Variants in TRAPPC9 observed in about 807,000 individuals in gnomAD.
TRAPPC9 encodes trafficking protein particle complex subunit 9.
In TRAPPC9, 83 loss-of-function variants were observed where a neutral mutation model predicts 124.0. The observed-to-expected ratio is 0.67, with a 90% CI of 0.56 to 0.80. The LOEUF (loss-of-function observed/expected upper bound fraction) is 0.80, where lower values mean the gene tolerates loss of function less well. Among genes scored for constraint, TRAPPC9 ranks in the 30% least tolerant of loss-of-function variants. The pLI, the probability that TRAPPC9 is intolerant of heterozygous loss-of-function variation, is 0.00. For missense variants in TRAPPC9, 1,302 were observed against 1,508.3 expected (o/e 0.86, Z 2.27); for synonymous variants, 638 against 617.5 (o/e 1.03, Z -0.49).
chr8:140,086,925 G>C (rs1477105129), intron 17 of TRAPPC9, among the ~76,000 whole-genome samples: 1 of 149,994 alleles, frequency 6.7e-6, no homozygotes, highest in Admixed American at 6.6e-5. Flanking sequence ...GAGTGAGACT[G>C]TCTCAAAAAA....
intron 15 of TRAPPC9, among the ~76,000 whole-genome samples, chr8:140,269,395 G>T (rs1424909113): frequency 6.6e-6 from 1 of 151,908 alleles, no homozygotes; most frequent in Non-Finnish European, 1.5e-5. Flanking sequence ...CAAAAAATTA[G>T]CTGGGCGTGG....
intron 9 of TRAPPC9, among the ~76,000 whole-genome samples, chr8:140,343,503 G>C (rs189648920): frequency 1.1e-3 from 167 of 152,328 alleles, no homozygotes; most frequent in African/African-American, 3.9e-3. Flanking sequence ...GCGAAAGGAC[G>C]CAGAATTCCT....
At position 139,960,800 on chromosome 8, in the gene TRAPPC9, C is replaced by G. The variant is rs1253750597; in HGVS notation, c.2810+27926G>C. 1.6e-5 allele frequency among the ~76,000 whole-genome samples: 2 copies of G among 125,156 alleles called. 1 individual carries two copies. The highest frequency in any genetic ancestry group is 3.8e-5 in the Non-Finnish European group (2 of 52,364). 82.1% of individuals were successfully genotyped at this position (125,156 alleles called of 152,430 possible). A position where few individuals can be genotyped will look rare whatever the true frequency, so the allele number is the denominator to read the frequency against. On this transcript the variant is annotated intron_variant, in intron 19 of 22. Transcript: ENST00000438773. ...TGACAGAGCTGCTGTCCCTTCTGCA[C>G]TCCTGCCACTGCAGCTGGTGGGGCT...
Position 140,104,170 on chromosome 8 carries a change from C to G in TRAPPC9, c.2557-80091G>C, listed in dbSNP as rs939520820. ...TCTCCTGGGAGGGCAGATCTGTAAA[C>G]AAAGAATGACAGTAGAATACATGTG... is the stretch of plus-strand genomic sequence containing the variant. On this transcript the variant is annotated intron_variant, in intron 17 of 22. Transcript: ENST00000438773. The surrounding 1 kb of genome is among the most constrained non-coding windows in gnomAD (Gnocchi z 4.0). 1.3e-5 allele frequency among the ~76,000 whole-genome samples: 2 copies of G among 152,134 alleles called. No individual in the cohort carries two copies. The highest frequency in any genetic ancestry group is 2.9e-5 in the Non-Finnish European group (2 of 68,036).
At chr8:139,926,909 T>C (rs1388695003) in intron 19 of TRAPPC9, among the ~76,000 whole-genome samples, 1 of 152,292 alleles carries the variant, frequency 6.6e-6, no homozygotes. Flanking sequence ...TCACAACACA[T>C]TGATTAGACA....
At chr8:140,146,461 G>A (rs1378830365) in intron 17 of TRAPPC9, among the ~76,000 whole-genome samples, 1 of 152,208 alleles carries the variant, frequency 6.6e-6, no homozygotes, top group African/African-American at 2.4e-5. Context: ...GGAACCATGC[G>A]TGCTGGGTGT....
intron 19 of TRAPPC9, among the ~76,000 whole-genome samples, chr8:139,969,035 G>T (rs1184180866): frequency 6.6e-6 from 1 of 152,214 alleles, no homozygotes; most frequent in Non-Finnish European, 1.5e-5. Flanking sequence ...GTGTGTGTGT[G>T]CAAGATGTGT....
intron 17 of TRAPPC9, among the ~76,000 whole-genome samples, chr8:140,060,996 C>G (rs116778323): frequency 0.015 from 2,241 of 152,330 alleles, 46 homozygotes; most frequent in African/African-American, 0.051. Context: ...ATTTCCCAGT[C>G]ACACTGTCAC....
Position 140,451,109 on chromosome 8 carries a change from C to T in TRAPPC9, c.265G>A (p.Ala89Thr). ...TCAAAGGTCTGTGGCCAGTCCTTGG[C>T]CGAGAAGCAGTCTGTGATGGTGATG... ...GLITITDCFS[A>T]KDWPQTFEKF... The change falls in exon 2 of 23, where the codon GCC (alanine) becomes ACC (threonine). Residue 89 changes from alanine to threonine, a missense_variant. Ala to Thr is a moderately conservative substitution (Grantham distance 58). This residue lies in a region of TRAPPC9 where 657 missense variants were observed against 811.2 expected (regional missense o/e 0.81). Coordinates refer to ENST00000438773, the MANE Select transcript of TRAPPC9 (RefSeq NM_001160372.4). 1.2e-6 allele frequency: 2 copies of T among 1,613,938 alleles called. No individual in the cohort carries two copies. The highest frequency in any genetic ancestry group is 2.2e-5 in the East Asian group (1 of 44,884).
chr8:140,017,924 A>C (rs1839573619), intron 18 of TRAPPC9, among the ~76,000 whole-genome samples: 4 of 152,040 alleles, frequency 2.6e-5, no homozygotes, highest in Admixed American at 1.3e-4. Context: ...GCTGACTACA[A>C]CTTCCACCTC....
Position 139,828,952 on chromosome 8 carries a change from T to A in TRAPPC9, c.3055+56927A>T, listed in dbSNP as rs183046330. ...TAAAGATACCCAACTATTCTATATT[T>A]GTAAGATCAAAACTTAGAAAAGAAA... On this transcript the variant is annotated intron_variant, in intron 21 of 22. Coordinates refer to ENST00000438773, the MANE Select transcript of TRAPPC9 (RefSeq NM_001160372.4). Among the ~76,000 whole-genome samples, 591 of 152,362 alleles carry A rather than the reference T, an allele frequency of 3.9e-3. 5 individuals are homozygous for A. Among genetic ancestry groups the A allele is most frequent in the African/African-American group, 0.014 (568 of 41,594 alleles).
At chr8:140,230,016 A>G (rs1329109807) in intron 16 of TRAPPC9, among the ~76,000 whole-genome samples, 2 of 152,182 alleles carry the variant, frequency 1.3e-5, no homozygotes, top group East Asian at 1.9e-4. Flanking sequence ...GTGCACACAG[A>G]CAGACACTTC....
At chr8:140,250,057 T>G (rs2064095037) in intron 16 of TRAPPC9, among the ~76,000 whole-genome samples, 1 of 152,218 alleles carries the variant, frequency 6.6e-6, no homozygotes, top group African/African-American at 2.4e-5. Flanking sequence ...CAAAACAAAG[T>G]CTTCTTTTTT....
At chr8:139,996,180 A>AAT (rs1837976008) in intron 18 of TRAPPC9, among the ~76,000 whole-genome samples, 1 of 143,984 alleles carries the variant, frequency 6.9e-6, no homozygotes, top group Admixed American at 7.0e-5. Flanking sequence ...AAAAAAAAAA[A>AAT]AAGAAAGGAA....
At position 139,859,589 on chromosome 8, in the gene TRAPPC9, G is replaced by A. The variant is rs555056333; in HGVS notation, c.3055+26290C>T. On this transcript the variant is annotated intron_variant, in intron 21 of 22. Transcript: ENST00000438773. The stretch of plus-strand genomic sequence containing the variant: ...CCAGTGGCTGCTCTGCTCCCCAACC[G>A]GAGACACTCAGCCTACACACACAGA... Among the ~76,000 whole-genome samples, 25 of 152,308 alleles carry A rather than the reference G, an allele frequency of 1.6e-4. No homozygotes were observed. In the South Asian group the frequency reaches 1.9e-3, roughly 11 times the overall value.
In TRAPPC9 at chr8:139,729,308, T is replaced by A. The variant is rs3739373; in HGVS notation, c.*1753A>T. 6.6e-6 allele frequency among the ~76,000 whole-genome samples: 1 copy of A among 152,228 alleles called. No individual in the cohort carries two copies. Among genetic ancestry groups the A allele is most frequent in the Admixed American group, 6.5e-5 (1 of 15,290 alleles). ...ATCATCCTGCAATGTGTTGTTTCAT[T>A]CAATGGCGTATTTTTGGGCTCTGTT... On this transcript the variant is annotated 3_prime_UTR_variant, in exon 23 of 23. Transcript: ENST00000438773.
chr8:139,846,558 A>G (rs1386107547), intron 21 of TRAPPC9, among the ~76,000 whole-genome samples: 1 of 152,234 alleles, frequency 6.6e-6, no homozygotes, highest in Non-Finnish European at 1.5e-5. Context: ...AACAACTCCT[A>G]AAGAAATTCA....
chr8:140,142,897 T>C (rs1315071545), intron 17 of TRAPPC9, among the ~76,000 whole-genome samples: 1 of 152,190 alleles, frequency 6.6e-6, no homozygotes, highest in Non-Finnish European at 1.5e-5. Flanking sequence ...GCCTCGCACC[T>C]GGTAGTGTCC....
chr8:140,155,126 G>A (rs1299447045), intron 17 of TRAPPC9, among the ~76,000 whole-genome samples: 1 of 152,166 alleles, frequency 6.6e-6, no homozygotes, highest in Non-Finnish European at 1.5e-5. Flanking sequence ...GGATTCTGGG[G>A]GCTACAAGTT....
Sources: allele counts gnomAD v4.1 joint callset (sites outside exome capture counted in the v4.1 genomes callset), GRCh38; gene constraint gnomAD v4.1.1; regional missense constraint gnomAD v4.1.1; non-coding constraint Gnocchi (gnomAD v3.1); transcripts MANE v1.5; gene names NCBI Gene and HGNC (gene_info 2026-07-23, HGNC 2026-07-21).